Variants in LHFPL3 observed in about 807,000 individuals in gnomAD.
LHFPL3 encodes LHFPL tetraspan subfamily member 3, also known as LHFPL tetraspan subfamily member 3 protein.
Under a neutral mutation model 19.3 loss-of-function variants are expected in LHFPL3, and 5 were observed. The ratio of observed to expected loss-of-function variants is 0.26; its 90% CI spans 0.14 to 0.54. The LOEUF is 0.54. Among genes scored for constraint, LHFPL3 ranks in the 20% least tolerant of loss-of-function variants. The pLI, the probability that LHFPL3 is intolerant of heterozygous loss-of-function variation, is 0.94. For missense variants in LHFPL3, 249 were observed against 307.4 expected (o/e 0.81, Z 1.42); for synonymous variants, 133 against 126.2 (o/e 1.05, Z -0.36).
chr7:104,420,706 C>T (rs1791715294), intron 1 of LHFPL3, among the ~76,000 whole-genome samples: 2 of 152,090 alleles, frequency 1.3e-5, no homozygotes, highest in Admixed American at 6.5e-5. Flanking sequence ...ACTACAGGCG[C>T]CCGCCACCAT....
At chr7:104,359,841 T>C (rs1240097199) in intron 1 of LHFPL3, among the ~76,000 whole-genome samples, 3 of 152,282 alleles carry the variant, frequency 2.0e-5, no homozygotes, top group Non-Finnish European at 4.4e-5. Flanking sequence ...TGGGAACACC[T>C]ATTGAAAGAC....
At chr7:104,669,110 G>C in intron 1 of LHFPL3, 4 of 1,612,820 alleles carry the variant, frequency 2.5e-6, no homozygotes, top group Non-Finnish European at 3.4e-6. Context: ...GAGGAAGATT[G>C]CCACTCTCCA....
chr7:104,824,424 AATAT>A (rs1471147548), intron 2 of LHFPL3, among the ~76,000 whole-genome samples: 1 of 56,456 alleles, frequency 1.8e-5, no homozygotes, highest in Non-Finnish European at 2.9e-5. Flanking sequence ...TTTTATATAT[AATAT>A]ATATAATTAT....
At chr7:104,460,621 A>T (rs535471802) in intron 1 of LHFPL3, among the ~76,000 whole-genome samples, 2 of 152,188 alleles carry the variant, frequency 1.3e-5, no homozygotes, top group East Asian at 3.9e-4. Context: ...TTTTTTTAAT[A>T]TGATTGTTGC....
intron 2 of LHFPL3, among the ~76,000 whole-genome samples, chr7:104,902,458 G>C (rs1298661049): frequency 6.6e-6 from 1 of 151,752 alleles, no homozygotes; most frequent in Non-Finnish European, 1.5e-5. Flanking sequence ...GGGAGAAGAA[G>C]AAGAGAGCTT....
At chr7:104,869,621 G>A (rs1031238225) in intron 2 of LHFPL3, among the ~76,000 whole-genome samples, 1 of 152,042 alleles carries the variant, frequency 6.6e-6, no homozygotes, top group Non-Finnish European at 1.5e-5. Context: ...GGAGAAATAG[G>A]AACACTTTTA....
At chr7:104,776,867 G>A (rs902714058) in intron 2 of LHFPL3, among the ~76,000 whole-genome samples, 1 of 152,140 alleles carries the variant, frequency 6.6e-6, no homozygotes, top group African/African-American at 2.4e-5. Context: ...TACAACAGAG[G>A]AGCAAACATA....
intron 1 of LHFPL3, among the ~76,000 whole-genome samples, chr7:104,381,563 A>ACTCC (rs1790829939): frequency 7.4e-6 from 1 of 134,624 alleles, no homozygotes; most frequent in African/African-American, 3.0e-5. Context: ...TCCCTCCCTC[A>ACTCC]CTCCCTCCCT....
intron 1 of LHFPL3, among the ~76,000 whole-genome samples, chr7:104,508,915 T>C (rs1024551039): frequency 3.3e-5 from 5 of 151,354 alleles, no homozygotes; most frequent in Non-Finnish European, 5.9e-5. Flanking sequence ...AACAATGAAA[T>C]AGGTATATCA....
chr7:104,595,872 C>A (rs1175206265), intron 1 of LHFPL3, among the ~76,000 whole-genome samples: 1 of 152,268 alleles, frequency 6.6e-6, no homozygotes, highest in Non-Finnish European at 1.5e-5. Context: ...CTGAGCCAGG[C>A]ATGGGAGAGA....
At chr7:104,442,468 G>A (rs1386968310) in intron 1 of LHFPL3, among the ~76,000 whole-genome samples, 1 of 152,166 alleles carries the variant, frequency 6.6e-6, no homozygotes, top group African/African-American at 2.4e-5. Context: ...TATGGAGGCT[G>A]AGGGGAAAAA....
intron 1 of LHFPL3, among the ~76,000 whole-genome samples, chr7:104,581,571 T>A (rs1373426226): frequency 2.0e-5 from 3 of 152,096 alleles, no homozygotes; most frequent in Admixed American, 6.6e-5. Context: ...TTAAGAAAAC[T>A]TCCCTGCCCT....
chr7:104,371,156 T>G (rs1027671684), intron 1 of LHFPL3, among the ~76,000 whole-genome samples: 1 of 152,182 alleles, frequency 6.6e-6, no homozygotes, highest in Non-Finnish European at 1.5e-5. Context: ...TCTGAATTCT[T>G]GAGAGCATAG....
At chr7:104,465,208 A>T (rs1221335645) in intron 1 of LHFPL3, among the ~76,000 whole-genome samples, 2 of 151,726 alleles carry the variant, frequency 1.3e-5, no homozygotes, top group Non-Finnish European at 2.9e-5. Flanking sequence ...TGTCCATTGG[A>T]CTTCATTGTC....
At chr7:104,677,234 G>C (rs1360115723) in intron 1 of LHFPL3, among the ~76,000 whole-genome samples, 1 of 152,074 alleles carries the variant, frequency 6.6e-6, no homozygotes, top group Admixed American at 6.6e-5. Context: ...AAAATTAGCT[G>C]GGTGTGGTGG....
At chr7:104,434,243 TA>T (rs35213416) in intron 1 of LHFPL3, among the ~76,000 whole-genome samples, 1 of 152,186 alleles carries the variant, frequency 6.6e-6, no homozygotes, top group Admixed American at 6.5e-5. Flanking sequence ...AGCTAGGGCA[TA>T]AAAAAGGGAA....
chr7:104,512,790 C>T (rs1368330502), intron 1 of LHFPL3, among the ~76,000 whole-genome samples: 3 of 151,942 alleles, frequency 2.0e-5, no homozygotes, highest in African/African-American at 4.8e-5. Flanking sequence ...CAGGAAAAGG[C>T]AGCTAGCCAG....
chr7:104,367,388 C>A (rs895982039), intron 1 of LHFPL3, among the ~76,000 whole-genome samples: 1 of 152,276 alleles, frequency 6.6e-6, no homozygotes, highest in South Asian at 2.1e-4. Flanking sequence ...TAACCTATGT[C>A]GTCAACATCT....
chr7:104,786,689 G>GGTAT (rs1554344744), intron 2 of LHFPL3: 1 of 129,876 alleles, frequency 7.7e-6, no homozygotes, highest in Non-Finnish European at 1.7e-5. Context: ...GTGTGTGTGG[G>GGTAT]GTGTGTGTGT....
Sources: allele counts gnomAD v4.1 joint callset (sites outside exome capture counted in the v4.1 genomes callset), GRCh38; gene constraint gnomAD v4.1.1; transcripts MANE v1.5; gene names NCBI Gene and HGNC (gene_info 2026-07-23, HGNC 2026-07-21).